CPQ: variants seen among roughly 807,000 people sequenced by gnomAD.
The protein encoded by CPQ is Ser-Met dipeptidase.
Under a neutral mutation model 45.7 loss-of-function variants are expected in CPQ, and 37 were observed. The observed-to-expected ratio is 0.81, with a 90% confidence interval of 0.62 to 1.07. The LOEUF (loss-of-function observed/expected upper bound fraction) is 1.07, where lower values mean the gene tolerates loss of function less well. Among genes scored for constraint, CPQ ranks in the 50% least tolerant of loss-of-function variants. CPQ has a pLI of 0.00. For missense variants in CPQ, 537 were observed against 572.9 expected (o/e 0.94, Z 0.64); for synonymous variants, 186 against 205.8 (o/e 0.90, Z 0.82).
chr8:96,686,519 C>T (rs1809229944), intron 1 of CPQ, among the ~76,000 whole-genome samples: 2 of 151,694 alleles, frequency 1.3e-5, no homozygotes, highest in South Asian at 4.1e-4. Flanking sequence ...TATTGTTATA[C>T]ATTATTCTTT....
In CPQ at chr8:96,756,469, G is replaced by A. The variant is rs114138348; in HGVS notation, c.-34-28395G>A. ...AGGTTAATTCTGAAAGTCAAATACT[G>A]GTGGAATTTTAATATAATAGTTATA... On this transcript the variant is annotated intron_variant, in intron 1 of 7. Coordinates refer to ENST00000220763, the MANE Select transcript of CPQ (RefSeq NM_016134.4). 3.2e-3 allele frequency among the ~76,000 whole-genome samples: 481 copies of A among 152,054 alleles called. 4 individuals are homozygous for A. Among genetic ancestry groups the A allele is most frequent in the African/African-American group, 0.011 (453 of 41,522 alleles).
chr8:96,961,430 C>G (rs1813459865), intron 4 of CPQ, among the ~76,000 whole-genome samples: 1 of 151,928 alleles, frequency 6.6e-6, no homozygotes, highest in African/African-American at 2.4e-5. Context: ...GAATTCTTTA[C>G]CCATTTTGAA....
chr8:96,897,056 A>G (rs538949214), intron 4 of CPQ, among the ~76,000 whole-genome samples: 1 of 152,276 alleles, frequency 6.6e-6, no homozygotes, highest in East Asian at 1.9e-4. Flanking sequence ...TACTCTATTA[A>G]AATTGAGGCA....
chr8:97,016,074 T>A (rs1030737898), intron 5 of CPQ, among the ~76,000 whole-genome samples: 25 of 151,998 alleles, frequency 1.6e-4, no homozygotes, highest in Non-Finnish European at 3.5e-4. Context: ...TTCAGAAAAA[T>A]TATCAAAATA....
At chr8:96,683,721 C>A (rs1369418097) in intron 1 of CPQ, among the ~76,000 whole-genome samples, 1 of 149,834 alleles carries the variant, frequency 6.7e-6, no homozygotes, top group Non-Finnish European at 1.5e-5. Context: ...CTTTTAAATC[C>A]ATTTTTTCTA....
intron 6 of CPQ, among the ~76,000 whole-genome samples, chr8:97,051,621 A>T (rs1810364030): frequency 6.6e-6 from 1 of 152,220 alleles, no homozygotes; most frequent in African/African-American, 2.4e-5. Context: ...TTCCCATTCA[A>T]GTTCACAGAG....
chr8:97,022,852 CATTTGA>C (rs1809712946), intron 5 of CPQ, among the ~76,000 whole-genome samples: 1 of 151,556 alleles, frequency 6.6e-6, no homozygotes, highest in Non-Finnish European at 1.5e-5. Flanking sequence ...GTAGAACTAC[CATTTGA>C]TCCAGCAATC....
chr8:96,674,264 C>G (rs368844443), intron 1 of CPQ, among the ~76,000 whole-genome samples: 3 of 152,110 alleles, frequency 2.0e-5, no homozygotes, highest in Admixed American at 6.6e-5. Flanking sequence ...ATTTCCTGAA[C>G]CTTTTTTCCC....
At chr8:96,716,916 CACAT>C (rs1484142642) in intron 1 of CPQ, among the ~76,000 whole-genome samples, 1 of 150,740 alleles carries the variant, frequency 6.6e-6, no homozygotes, top group East Asian at 1.9e-4. Flanking sequence ...CACACACACA[CACAT>C]ACACACACAC....
Position 96,758,502 on chromosome 8 carries a change from C to T in CPQ, c.-34-26362C>T, listed in dbSNP as rs181546996. On this transcript the variant is annotated intron_variant, in intron 1 of 7. Coordinates refer to ENST00000220763, the MANE Select transcript of CPQ (RefSeq NM_016134.4). ...TTTTTATACTCATAGTAATTCTGAT[C>T]TTTGGCTTTCTGTACTTTGCCAGTC... Among the ~76,000 whole-genome samples, 506 of 152,280 alleles carry T rather than the reference C, an allele frequency of 3.3e-3. 2 individuals are homozygous for T. The highest frequency in any genetic ancestry group is 0.012 in the African/African-American group (482 of 41,540).
chr8:97,039,815 A>C (rs1441254750), intron 6 of CPQ, among the ~76,000 whole-genome samples: 1 of 152,162 alleles, frequency 6.6e-6, no homozygotes, highest in African/African-American at 2.4e-5. Flanking sequence ...ACATGAACTC[A>C]TCATTTTTAT....
intron 1 of CPQ, among the ~76,000 whole-genome samples, chr8:96,647,974 C>T (rs777325264): frequency 6.6e-6 from 1 of 152,108 alleles, no homozygotes; most frequent in Non-Finnish European, 1.5e-5. Context: ...TGCCTCCCAA[C>T]CTCTTTCTTT....
At chr8:96,665,405 A>G (rs985991453) in intron 1 of CPQ, among the ~76,000 whole-genome samples, 2 of 152,208 alleles carry the variant, frequency 1.3e-5, no homozygotes, top group Non-Finnish European at 2.9e-5. Context: ...GAACAGAATG[A>G]TGAGATTTAA....
intron 7 of CPQ, among the ~76,000 whole-genome samples, chr8:97,077,789 C>T (rs1810873864): frequency 6.6e-6 from 1 of 152,134 alleles, no homozygotes; most frequent in South Asian, 2.1e-4. Flanking sequence ...GATCCACACA[C>T]TTCAAACTCA....
At chr8:96,686,898 G>A (rs1449406054) in intron 1 of CPQ, among the ~76,000 whole-genome samples, 1 of 152,014 alleles carries the variant, frequency 6.6e-6, no homozygotes. Flanking sequence ...AAATTTATCT[G>A]GGATGTGATT....
intron 5 of CPQ, among the ~76,000 whole-genome samples, chr8:97,014,599 G>T (rs902374467): frequency 7.0e-6 from 1 of 143,508 alleles, no homozygotes; most frequent in African/African-American, 2.6e-5. Context: ...CTGAGATTGC[G>T]CCACTGTACA....
intron 1 of CPQ, among the ~76,000 whole-genome samples, chr8:96,744,517 T>C (rs1810149109): frequency 6.6e-6 from 1 of 152,236 alleles, no homozygotes; most frequent in South Asian, 2.1e-4. Flanking sequence ...TTATTCCATA[T>C]GTAAATTGTT....
intron 3 of CPQ, among the ~76,000 whole-genome samples, chr8:96,870,516 T>A (rs1279502546): frequency 6.6e-6 from 1 of 151,964 alleles, no homozygotes; most frequent in African/African-American, 2.4e-5. Context: ...TCTATAGAGG[T>A]TAAAAGCATG....
chr8:96,672,475 AT>A lies in CPQ; in HGVS notation c.-35+27074del, dbSNP rs1007598423. On this transcript the variant is annotated intron_variant, in intron 1 of 7. Transcript: ENST00000220763. ...AGCATGCTTGGAGGTGGCATATTCTATGCCAAAAAATAAAGCAAAGGAGTTG... is the reference window on the plus strand; with the variant it reads ...AGCATGCTTGGAGGTGGCATATTCTAGCCAAAAAATAAAGCAAAGGAGTTG... Among the ~76,000 whole-genome samples, 66 of 152,318 alleles carry A rather than the reference AT, an allele frequency of 4.3e-4. 1 individual carries two copies. The highest frequency in any genetic ancestry group is 1.5e-3 in the African/African-American group (64 of 41,570).
Sources: gnomAD v4.1 joint callset for allele counts (sites outside exome capture counted in the v4.1 genomes callset) on GRCh38, gnomAD v4.1.1 for gene constraint, MANE v1.5 for transcripts, NCBI Gene and HGNC (gene_info 2026-07-23, HGNC 2026-07-21) for gene names.